PARD3B: variants seen among roughly 807,000 people sequenced by gnomAD.
The protein encoded by PARD3B is par-3 family cell polarity regulator beta.
In PARD3B, 103 loss-of-function variants were observed where a neutral mutation model predicts 130.2. The ratio of observed to expected loss-of-function variants is 0.79; its 90% CI spans 0.67 to 0.93. PARD3B has a LOEUF of 0.93. PARD3B is among the 40% of genes least tolerant of loss of function. The probability of loss-of-function intolerance (pLI) is 0.00; values close to 1 mark genes in which losing one functional copy is unlikely to be tolerated. For synonymous variants in PARD3B, 583 were observed against 553.2 expected (o/e 1.05, Z -0.76); for missense variants, 1,609 against 1,499.2 (o/e 1.07, Z -1.21).
At chr2:205,031,115 C>G (rs1469334012) in intron 3 of PARD3B, among the ~76,000 whole-genome samples, 1 of 152,128 alleles carries the variant, frequency 6.6e-6, no homozygotes, top group Non-Finnish European at 1.5e-5. Context: ...TAGAAAGATA[C>G]ACATCACAAA....
At chr2:204,607,959 C>T (rs1025745307) in intron 1 of PARD3B, among the ~76,000 whole-genome samples, 9 of 152,018 alleles carry the variant, frequency 5.9e-5, no homozygotes, top group African/African-American at 2.2e-4. Flanking sequence ...ATTTAGGAAC[C>T]CTCAGTCTAG....
chr2:204,981,404 C>T (rs564815452), intron 3 of PARD3B, among the ~76,000 whole-genome samples: 3 of 152,220 alleles, frequency 2.0e-5, no homozygotes, highest in South Asian at 4.1e-4. Context: ...ATTACAATAG[C>T]AATAGCAAGA....
intron 11 of PARD3B, among the ~76,000 whole-genome samples, chr2:205,161,273 C>A (rs1212120265): frequency 6.6e-6 from 1 of 152,136 alleles, no homozygotes; most frequent in Admixed American, 6.5e-5. Flanking sequence ...AGTCCTGTTT[C>A]TTGCAGAAAG....
chr2:205,525,091 G>T lies in PARD3B; in HGVS notation c.3180+25060G>T, dbSNP rs2051277169. On this transcript the variant is annotated intron_variant, in intron 21 of 22. Coordinates refer to ENST00000406610, the MANE Select transcript of PARD3B (RefSeq NM_001302769.2). The surrounding 1 kb of genome is among the most constrained non-coding windows in gnomAD (Gnocchi z 4.2). ...AGGACAGTTTTATTGCCTCACAAAGGCTATTTTCTTAGCTGCAACTTTCTT... is the reference window on the plus strand; with the variant it reads ...AGGACAGTTTTATTGCCTCACAAAGTCTATTTTCTTAGCTGCAACTTTCTT... 6.6e-6 allele frequency among the ~76,000 whole-genome samples: 1 copy of T among 152,194 alleles called. No individual in the cohort carries two copies. Among genetic ancestry groups the T allele is most frequent in the African/African-American group, 2.4e-5 (1 of 41,458 alleles).
intron 15 of PARD3B, among the ~76,000 whole-genome samples, chr2:205,200,158 C>T (rs2036911031): frequency 6.6e-6 from 1 of 152,148 alleles, no homozygotes; most frequent in Non-Finnish European, 1.5e-5. Context: ...GGTCAAATTA[C>T]ATACAGAGGT....
intron 10 of PARD3B, among the ~76,000 whole-genome samples, chr2:205,144,458 T>A (rs761002398): frequency 2.0e-5 from 3 of 152,206 alleles, no homozygotes; most frequent in Non-Finnish European, 4.4e-5. Flanking sequence ...TAATTCTGGG[T>A]AGATTTCCCC....
At chr2:205,068,686 A>G (rs1700541506) in intron 4 of PARD3B, among the ~76,000 whole-genome samples, 2 of 152,160 alleles carry the variant, frequency 1.3e-5, no homozygotes, top group Non-Finnish European at 2.9e-5. Context: ...TAATCAAAGT[A>G]CAGCTACTAC....
At chr2:204,755,185 T>A (rs2040614190) in intron 2 of PARD3B, among the ~76,000 whole-genome samples, 1 of 152,108 alleles carries the variant, frequency 6.6e-6, no homozygotes, top group Non-Finnish European at 1.5e-5. Flanking sequence ...GAAAGGACTC[T>A]GCTAGTGCCA....
chr2:205,546,599 C>T (rs1242214619), intron 21 of PARD3B, among the ~76,000 whole-genome samples: 3 of 152,104 alleles, frequency 2.0e-5, no homozygotes, highest in Admixed American at 6.6e-5. Context: ...ATGCCTGTGT[C>T]TCTTTTCTCT....
At chr2:204,715,167 TGAA>T (rs543288988) in intron 2 of PARD3B, among the ~76,000 whole-genome samples, 59 of 152,284 alleles carry the variant, frequency 3.9e-4, no homozygotes, top group Non-Finnish European at 7.6e-4. Flanking sequence ...AAGTCAAAGG[TGAA>T]GAAGTATTTC....
chr2:205,156,546 A>G (rs2034181813), intron 10 of PARD3B, among the ~76,000 whole-genome samples: 1 of 151,272 alleles, frequency 6.6e-6, no homozygotes, highest in Admixed American at 6.6e-5. Context: ...GAAAAGATAA[A>G]AAAAAAAAGA....
intron 3 of PARD3B, among the ~76,000 whole-genome samples, chr2:205,012,631 A>G (rs1204552165): frequency 6.6e-6 from 1 of 152,248 alleles, no homozygotes; most frequent in Non-Finnish European, 1.5e-5. Flanking sequence ...GTTGCTTAAA[A>G]GTACCACTCA....
chr2:204,594,030 C>A (rs1189766721), intron 1 of PARD3B, among the ~76,000 whole-genome samples: 1 of 152,134 alleles, frequency 6.6e-6, no homozygotes, highest in Non-Finnish European at 1.5e-5. Flanking sequence ...CACAGTGGTT[C>A]CATCAACACT....
chr2:204,725,721 A>C (rs2039194217), intron 2 of PARD3B, among the ~76,000 whole-genome samples: 1 of 152,218 alleles, frequency 6.6e-6, no homozygotes, highest in South Asian at 2.1e-4. Flanking sequence ...GTTGCCTTCC[A>C]TTGTTAGGGT....
At chr2:205,228,337 T>C (rs1242722419) in intron 15 of PARD3B, among the ~76,000 whole-genome samples, 2 of 152,184 alleles carry the variant, frequency 1.3e-5, no homozygotes, top group Non-Finnish European at 2.9e-5. Flanking sequence ...TCTTTATTTC[T>C]CCTTCACGTT....
intron 2 of PARD3B, among the ~76,000 whole-genome samples, chr2:204,831,262 G>C (rs1335846636): frequency 2.6e-5 from 4 of 152,168 alleles, no homozygotes; most frequent in Admixed American, 1.3e-4. Context: ...GCATTGCTGA[G>C]ATCAAAAGCA....
chr2:204,934,990 T>C (rs1355342), intron 2 of PARD3B, among the ~76,000 whole-genome samples: 9,948 of 152,228 alleles, frequency 0.065, 396 homozygotes, highest in Middle Eastern at 0.1. Flanking sequence ...TAGATCTTAT[T>C]ATTTCTGCCC....
In PARD3B at chr2:205,178,582, C is replaced by T. The variant is rs570028933; in HGVS notation, c.1924+2005C>T. ...CAAAATAAAACAGTCTTCTTTCTAC[C>T]TTATGATCACGAATGTGGACATTTG... On this transcript the variant is annotated intron_variant, in intron 13 of 22. Coordinates refer to ENST00000406610, the MANE Select transcript of PARD3B (RefSeq NM_001302769.2). 4.6e-5 allele frequency among the ~76,000 whole-genome samples: 7 copies of T among 152,298 alleles called. No homozygotes were observed. The South Asian group carries it at 1.0e-3, about 23-fold the overall frequency.
rs1356270625 is a variant in PARD3B at position 205,185,756 on chromosome 2, G to C, written c.1925-8G>C. ...CTTTATACAGCTTCATTTGTTCTTT[G>C]TTTATAGGTCTATTGCTGCCCAATG... On this transcript the variant is annotated splice_region_variant and splice_polypyrimidine_tract_variant and intron_variant, in intron 13 of 22. Transcript: ENST00000406610. 2 of 1,611,328 alleles carry C rather than the reference G, an allele frequency of 1.2e-6. No individual in the cohort carries two copies. Among genetic ancestry groups the C allele is most frequent in the Non-Finnish European group, 1.7e-6 (2 of 1,177,600 alleles).
Sources: gnomAD v4.1 joint callset for allele counts (sites outside exome capture counted in the v4.1 genomes callset) on GRCh38, gnomAD v4.1.1 for gene constraint, Gnocchi (gnomAD v3.1) non-coding constraint, MANE v1.5 for transcripts, NCBI Gene and HGNC (gene_info 2026-07-23, HGNC 2026-07-21) for gene names.